GSK3B: variants seen among roughly 807,000 people sequenced by gnomAD.
GSK3B encodes the protein glycogen synthase kinase 3 beta.
Under a neutral mutation model 56.4 loss-of-function variants are expected in GSK3B, and 15 were observed. That is an observed-to-expected ratio of 0.27 (90% CI 0.18 to 0.41). The LOEUF (loss-of-function observed/expected upper bound fraction) is 0.41, where lower values mean the gene tolerates loss of function less well. GSK3B is among the 10% of genes least tolerant of loss of function. The pLI is 1.00. For synonymous variants in GSK3B, 181 were observed against 188.9 expected, an observed-to-expected ratio of 0.96 and a Z score of 0.34; for missense variants, 300 against 513.4, an observed-to-expected ratio of 0.58 and a Z score of 4.02.
chr3:120,001,538 G>T (rs1339183383), intron 2 of GSK3B, among the ~76,000 whole-genome samples: 1 of 152,148 alleles, frequency 6.6e-6, no homozygotes, highest in Admixed American at 6.5e-5. Flanking sequence ...TTCCTGTACA[G>T]TTTGCAGAAT....
At chr3:119,916,611 T>C (rs1332469884) in intron 4 of GSK3B, among the ~76,000 whole-genome samples, 1 of 152,162 alleles carries the variant, frequency 6.6e-6, no homozygotes, top group Non-Finnish European at 1.5e-5. Flanking sequence ...TAGTAGAGCA[T>C]GCTGCTGAAT....
chr3:120,088,732 A>G (rs1390356095), intron 1 of GSK3B, among the ~76,000 whole-genome samples: 1 of 152,242 alleles, frequency 6.6e-6, no homozygotes, highest in Non-Finnish European at 1.5e-5. Flanking sequence ...ATATCCGGGG[A>G]ACCCGGTTGG....
Position 119,838,863 on chromosome 3 carries a change from A to G in GSK3B, c.1195+4392T>C, listed in dbSNP as rs950385232. On this transcript the variant is annotated intron_variant, in intron 10 of 10. Coordinates refer to ENST00000264235, the MANE Select transcript of GSK3B (RefSeq NM_001146156.2). ...CCCTAAAGTGGAATTACTGAACTAA[A>G]AATTCTGAATTCTGACAGCTCTTGT... Among the ~76,000 whole-genome samples the G allele has an allele frequency of 3.9e-5, 6 of 152,324 alleles. No individual in the cohort carries two copies. The East Asian group carries it at 9.6e-4, about 24-fold the overall frequency.
At chr3:119,898,941 T>C (rs1488836638) in intron 7 of GSK3B, among the ~76,000 whole-genome samples, 1 of 152,176 alleles carries the variant, frequency 6.6e-6, no homozygotes, top group Non-Finnish European at 1.5e-5. Flanking sequence ...CTTGTTGTGA[T>C]GATGTGAGAT....
chr3:119,942,914 T>C (rs1243256808), intron 3 of GSK3B, among the ~76,000 whole-genome samples: 1 of 152,214 alleles, frequency 6.6e-6, no homozygotes, highest in Non-Finnish European at 1.5e-5. Flanking sequence ...TAAATCATAG[T>C]TAGTTACTAC....
intron 10 of GSK3B, among the ~76,000 whole-genome samples, chr3:119,840,621 A>G (rs1323841568): frequency 2.0e-5 from 3 of 152,216 alleles, no homozygotes; most frequent in African/African-American, 4.8e-5. Context: ...AGGCAGCCGG[A>G]AGGCCAAGCA....
chr3:120,037,911 T>G (rs1407275808), intron 1 of GSK3B, among the ~76,000 whole-genome samples: 1 of 152,046 alleles, frequency 6.6e-6, no homozygotes, highest in African/African-American at 2.4e-5. Context: ...CTATAGAGAA[T>G]AAAATAAGAG....
chr3:119,946,227 A>G (rs891206761), intron 3 of GSK3B, among the ~76,000 whole-genome samples: 1 of 152,312 alleles, frequency 6.6e-6, no homozygotes, highest in Admixed American at 6.5e-5. Flanking sequence ...ATTCGGGCTT[A>G]ATACATTGAC....
chr3:119,922,044 G>A (rs2056844422), intron 4 of GSK3B, among the ~76,000 whole-genome samples: 1 of 152,036 alleles, frequency 6.6e-6, no homozygotes, highest in Non-Finnish European at 1.5e-5. Context: ...GGCTGAGGCA[G>A]GAGAATCGCT....
Position 119,825,102 on chromosome 3 carries a change from G to A in GSK3B, c.*1686C>T, listed in dbSNP as rs781202840. On this transcript the variant is annotated 3_prime_UTR_variant, in exon 11 of 11. Coordinates refer to ENST00000264235, the MANE Select transcript of GSK3B (RefSeq NM_001146156.2). ...AAGGCATGTGGGGAAGGAGCGGGTA[G>A]GAGGGAAAGGCGGCCATCACTCAAG... The A allele has an allele frequency of 2.5e-5, 5 of 202,936 alleles. No homozygotes were observed. The highest frequency in any genetic ancestry group is 5.1e-5 in the Non-Finnish European group (5 of 98,904). The allele number at this position is 202,936 out of a possible 1,614,324, so 12.6% of individuals were successfully genotyped here. A position where few individuals can be genotyped will look rare whatever the true frequency, so the allele number is the denominator to read the frequency against.
chr3:119,972,271 G>A (rs868298942), intron 2 of GSK3B, among the ~76,000 whole-genome samples: 7 of 152,240 alleles, frequency 4.6e-5, no homozygotes, highest in Middle Eastern at 6.8e-3. Flanking sequence ...CATAATAAAT[G>A]AGATTCAAAT....
In GSK3B at chr3:119,967,391, A is replaced by T. The variant is rs115050299; in HGVS notation, c.283-20040T>A. ...GCGCCTGGCCAGCTATCTTTTTTTT[A>T]AAAAAAAGATATTGATAAGATAATC... On this transcript the variant is annotated intron_variant, in intron 2 of 10. Coordinates refer to ENST00000264235, the MANE Select transcript of GSK3B (RefSeq NM_001146156.2). Among the ~76,000 whole-genome samples the T allele has an allele frequency of 8.0e-3, 1,208 of 151,898 alleles. 15 individuals are homozygous for T. Among genetic ancestry groups the T allele is most frequent in the African/African-American group, 0.027 (1,139 of 41,432 alleles).
chr3:120,075,122 C>T (rs1413938280), intron 1 of GSK3B, among the ~76,000 whole-genome samples: 1 of 152,038 alleles, frequency 6.6e-6, no homozygotes, highest in African/African-American at 2.4e-5. Flanking sequence ...TATTAAGAGA[C>T]TGAAAGAAAA....
At chr3:119,881,924 C>T (rs1330254758) in intron 7 of GSK3B, among the ~76,000 whole-genome samples, 1 of 152,184 alleles carries the variant, frequency 6.6e-6, no homozygotes, top group Non-Finnish European at 1.5e-5. Flanking sequence ...AAGCTCTCGT[C>T]TCTTGACTGC....
At chr3:120,035,222 T>C (rs967841370) in intron 1 of GSK3B, among the ~76,000 whole-genome samples, 8 of 151,938 alleles carry the variant, frequency 5.3e-5, no homozygotes, top group African/African-American at 1.9e-4. Context: ...GACACACAGG[T>C]AGAGGAAATC....
chr3:119,975,977 T>C (rs1576241946), intron 2 of GSK3B, among the ~76,000 whole-genome samples: 1 of 152,208 alleles, frequency 6.6e-6, no homozygotes, highest in East Asian at 1.9e-4. Flanking sequence ...CATGAAAAGA[T>C]ATAGAACAGC....
intron 2 of GSK3B, among the ~76,000 whole-genome samples, chr3:119,952,539 C>T (rs144590027): frequency 8.3e-4 from 117 of 141,264 alleles, no homozygotes; most frequent in African/African-American, 2.9e-3. Context: ...TATCAATGAA[C>T]CCAAAATATG....
chr3:119,944,483 C>T (rs2057080976), intron 3 of GSK3B, among the ~76,000 whole-genome samples: 1 of 152,130 alleles, frequency 6.6e-6, no homozygotes, highest in Admixed American at 6.6e-5. Flanking sequence ...GCACTGGTTT[C>T]CTTGCAGTTC....
chr3:120,072,023 T>C (rs1016202387), intron 1 of GSK3B, among the ~76,000 whole-genome samples: 7 of 152,178 alleles, frequency 4.6e-5, no homozygotes, highest in Non-Finnish European at 1.0e-4. Flanking sequence ...ACATATCAGG[T>C]TTACTTACTG....
Sources: allele counts gnomAD v4.1 joint callset (sites outside exome capture counted in the v4.1 genomes callset), GRCh38; gene constraint gnomAD v4.1.1; transcripts MANE v1.5; gene names NCBI Gene and HGNC (gene_info 2026-07-23, HGNC 2026-07-21).